FRMD4B: variants seen among roughly 807,000 people sequenced by gnomAD.
FRMD4B encodes FERM domain-containing protein 4B.
A neutral mutation model predicts 141.5 loss-of-function variants in FRMD4B; 74 were observed. That is an observed-to-expected ratio of 0.52 (90% CI 0.43 to 0.63). The LOEUF (loss-of-function observed/expected upper bound fraction) is 0.63. FRMD4B is among the 30% of genes least tolerant of loss of function. The probability of loss-of-function intolerance (pLI) is 0.00; values close to 1 mark genes in which losing one functional copy is unlikely to be tolerated. For missense variants in FRMD4B, 1,366 were observed against 1,253.4 expected (o/e 1.09, Z -1.36); for synonymous variants, 506 against 467.9 (o/e 1.08, Z -1.05).
intron 1 of FRMD4B, among the ~76,000 whole-genome samples, chr3:69,463,404 C>A (rs1425413475): frequency 6.6e-6 from 1 of 152,156 alleles, no homozygotes; most frequent in East Asian, 1.9e-4. Flanking sequence ...AGTACACATA[C>A]CATATACCAC....
chr3:69,527,886 A>G (rs1049471399), intron 1 of FRMD4B, among the ~76,000 whole-genome samples: 1 of 152,216 alleles, frequency 6.6e-6, no homozygotes, highest in Non-Finnish European at 1.5e-5. Context: ...GGGTTCTGAT[A>G]GCTTCTCACA....
At chr3:69,529,883 G>A (rs1700987334) in intron 1 of FRMD4B, among the ~76,000 whole-genome samples, 2 of 152,218 alleles carry the variant, frequency 1.3e-5, no homozygotes, top group East Asian at 1.9e-4. Flanking sequence ...GGAATTAGGA[G>A]ACAAATTTTG....
intron 1 of FRMD4B, among the ~76,000 whole-genome samples, chr3:69,512,629 C>G (rs911637276): frequency 6.6e-6 from 1 of 152,122 alleles, no homozygotes; most frequent in African/African-American, 2.4e-5. Context: ...ATTATTATTT[C>G]CTCATTTCCT....
intron 7 of FRMD4B, among the ~76,000 whole-genome samples, chr3:69,242,644 A>G (rs188135762): frequency 5.8e-4 from 87 of 150,402 alleles, no homozygotes; most frequent in African/African-American, 2.0e-3. Context: ...TACAAGTAGA[A>G]GCACCCTAAT....
intron 5 of FRMD4B, among the ~76,000 whole-genome samples, chr3:69,275,986 T>C (rs1393135101): frequency 6.6e-6 from 1 of 152,182 alleles, no homozygotes; most frequent in Non-Finnish European, 1.5e-5. Flanking sequence ...AATAATACTA[T>C]ATTGACTGTT....
intron 1 of FRMD4B, among the ~76,000 whole-genome samples, chr3:69,372,452 G>A (rs150142377): frequency 7.4e-4 from 112 of 152,324 alleles, no homozygotes; most frequent in South Asian, 8.3e-4. Flanking sequence ...ATCACCCGAG[G>A]TTAGGAGATC....
chr3:69,287,740 C>T lies in FRMD4B; in HGVS notation c.501+12G>A, dbSNP rs756990613. 54 of 1,492,104 alleles carry T rather than the reference C, an allele frequency of 3.6e-5. No homozygotes were observed. Among genetic ancestry groups the T allele is most frequent in the Middle Eastern group, 3.4e-4 (2 of 5,812 alleles). 92.4% of individuals were successfully genotyped at this position (1,492,104 alleles called of 1,614,324 possible). A position where few individuals can be genotyped will look rare whatever the true frequency, so the allele number is the denominator to read the frequency against. On this transcript the variant is annotated intron_variant, in intron 5 of 22. Transcript: ENST00000398540. ...GGAGGCATCCAGTGAACATGACAAA[C>T]GGGGCACCTACCTTGTGCACACAGG...
chr3:69,455,276 G>A (rs1034557573), intron 1 of FRMD4B, among the ~76,000 whole-genome samples: 8 of 152,330 alleles, frequency 5.3e-5, no homozygotes, highest in South Asian at 4.1e-4. Context: ...GCAGTGATAG[G>A]TTCAGGTCTG....
At chr3:69,213,903 C>G (rs897535622) in intron 11 of FRMD4B, among the ~76,000 whole-genome samples, 7 of 151,660 alleles carry the variant, frequency 4.6e-5, no homozygotes, top group African/African-American at 1.7e-4. Flanking sequence ...GTCTTGAACT[C>G]CTGGCCTTAA....
chr3:69,279,999 A>T (rs900216648), intron 5 of FRMD4B, among the ~76,000 whole-genome samples: 5 of 151,944 alleles, frequency 3.3e-5, no homozygotes, highest in East Asian at 1.9e-4. Context: ...TTGCTGATTT[A>T]AAAAAAAGGG....
intron 1 of FRMD4B, among the ~76,000 whole-genome samples, chr3:69,468,235 TC>T (rs10713143): frequency 0.58 from 87,493 of 151,932 alleles, 26,328 homozygotes; most frequent in African/African-American, 0.76. Context: ...CCTCATGAAC[TC>T]CCAACAATCA....
At chr3:69,499,076 A>G (rs1210264499) in intron 1 of FRMD4B, among the ~76,000 whole-genome samples, 1 of 152,192 alleles carries the variant, frequency 6.6e-6, no homozygotes, top group African/African-American at 2.4e-5. Flanking sequence ...CTGAGACAGA[A>G]TTGATAGGAA....
intron 1 of FRMD4B, chr3:69,536,083 G>A (rs942511994): frequency 4.4e-6 from 2 of 454,886 alleles, no homozygotes; most frequent in Non-Finnish European, 8.4e-6. Context: ...GTGGCCTGGT[G>A]TCCTTGCCCA....
chr3:69,325,859 G>C (rs1429571317), intron 1 of FRMD4B, among the ~76,000 whole-genome samples: 3 of 152,148 alleles, frequency 2.0e-5, no homozygotes, highest in Non-Finnish European at 4.4e-5. Context: ...ACTATTATTA[G>C]TGGAAATAAT....
At chr3:69,292,536 C>T (rs1700905135) in intron 4 of FRMD4B, among the ~76,000 whole-genome samples, 1 of 152,168 alleles carries the variant, frequency 6.6e-6, no homozygotes, top group Non-Finnish European at 1.5e-5. Flanking sequence ...TAAACAGGTC[C>T]CTATCTTATT....
At chr3:69,425,364 G>A (rs765834682) in intron 2 of FRMD4B, among the ~76,000 whole-genome samples, 1 of 152,142 alleles carries the variant, frequency 6.6e-6, no homozygotes, top group Non-Finnish European at 1.5e-5. Context: ...ATTAGTTCAC[G>A]AACACACTCC....
At chr3:69,353,557 T>A (rs780976829) in intron 1 of FRMD4B, 1 of 984,596 alleles carries the variant, frequency 1.0e-6, no homozygotes, top group Non-Finnish European at 1.2e-6. Flanking sequence ...CGAACCACCA[T>A]GACCTCGGCT....
chr3:69,422,740 AT>A (rs1301897663), intron 2 of FRMD4B, among the ~76,000 whole-genome samples: 1 of 152,232 alleles, frequency 6.6e-6, no homozygotes, highest in African/African-American at 2.4e-5. Context: ...TGAATTTTGT[AT>A]AAGTTTCATG....
chr3:69,201,089 G>A (rs1317814424), intron 11 of FRMD4B, among the ~76,000 whole-genome samples: 2 of 152,218 alleles, frequency 1.3e-5, no homozygotes, highest in Admixed American at 6.5e-5. Context: ...TAACTGGATT[G>A]TAACTGGGTT....
Sources: gnomAD v4.1 joint callset for allele counts (sites outside exome capture counted in the v4.1 genomes callset) on GRCh38, gnomAD v4.1.1 for gene constraint, MANE v1.5 for transcripts, NCBI Gene and HGNC (gene_info 2026-07-23, HGNC 2026-07-21) for gene names.